Variants in HEXD observed in about 807,000 individuals in gnomAD.
HEXD encodes N-acetyl-beta-galactosaminidase.
A neutral mutation model predicts 54.2 loss-of-function variants in HEXD; 47 were observed. That is an observed-to-expected ratio of 0.87 (90% CI 0.69 to 1.11). The LOEUF (loss-of-function observed/expected upper bound fraction) is 1.11, where lower values mean the gene tolerates loss of function less well. Among genes scored for constraint, HEXD ranks in the 50% least tolerant of loss-of-function variants. The pLI, the probability that HEXD is intolerant of heterozygous loss-of-function variation, is 0.00. For missense variants in HEXD, 576 were observed against 649.2 expected, an observed-to-expected ratio of 0.89 and a Z score of 1.23; for synonymous variants, 293 against 287.6, an observed-to-expected ratio of 1.02 and a Z score of -0.19.
intron 2 of HEXD, among the ~76,000 whole-genome samples, chr17:82,422,495 TAA>T (rs11386505): frequency 2.1e-5 from 3 of 140,590 alleles, no homozygotes; most frequent in Non-Finnish European, 1.6e-5. Flanking sequence ...AGACTCAGTC[TAA>T]AAAAAAAAAA....
rs201473179 is a variant in HEXD, at chr17:82,435,807, G to A, written c.566G>A (p.Arg189His). Residue 189 changes from arginine (R) to histidine (H), a missense_variant, in exon 6 of 13, where the codon CGC becomes CAC. Arg to His is a conservative substitution (Grantham distance 29, BLOSUM62 0). Coordinates refer to ENST00000327949, the MANE Select transcript of HEXD (RefSeq NM_001330542.2). Reference protein sequence around the residue: ...RAVASGVKARRPSVTPLVWDD... With the variant: ...RAVASGVKARHPSVTPLVWDD... ...GTGGCCAGCGGCGTGAAGGCCCGGC[G>A]CCCCAGCGTGACACCCCTGGTGTGG... The A allele has an allele frequency of 3.6e-5, 58 of 1,612,608 alleles. No individual in the cohort carries two copies. Among genetic ancestry groups the A allele is most frequent in the Non-Finnish European group, 4.7e-5 (55 of 1,179,838 alleles).
intron 4 of HEXD, among the ~76,000 whole-genome samples, chr17:82,432,152 C>T (rs993265828): frequency 1.3e-5 from 2 of 152,230 alleles, no homozygotes; most frequent in South Asian, 2.1e-4. Flanking sequence ...CCCCTTGCCA[C>T]GGGGCTGTGT....
intron 3 of HEXD, 23 bp downstream of exon 3, chr17:82,424,526 C>A: frequency 6.4e-7 from 1 of 1,558,590 alleles, no homozygotes; most frequent in Non-Finnish European, 8.8e-7. Flanking sequence ...GTGGCAGGTA[C>A]AGGGGCGCGG....
chr17:82,421,063 T>C (rs7213057), intron 2 of HEXD, among the ~76,000 whole-genome samples: 43,012 of 151,226 alleles, frequency 0.28, 6,766 homozygotes, highest in East Asian at 0.69. Flanking sequence ...CCAACAGTGC[T>C]ATGACCAGAG....
At chr17:82,440,888 T>C (rs2053922606) in intron 9 of HEXD, 109 bp from the exon 10 acceptor site, 2 of 1,281,940 alleles carry the variant, frequency 1.6e-6, no homozygotes, top group East Asian at 4.6e-5. Flanking sequence ...CCAGTGGCTC[T>C]CCATTGCCGC....
In HEXD at chr17:82,432,874, T is replaced by C. The variant is rs147390785; in HGVS notation, c.283-784T>C. On this transcript the variant is annotated intron_variant, in intron 4 of 12. Transcript: ENST00000327949. ...GTCAGGAGATCGAGACCATCCTGGCTAACACGGTGAAACCCCGTCTCTACT... is the reference window on the plus strand; with the variant it reads ...GTCAGGAGATCGAGACCATCCTGGCCAACACGGTGAAACCCCGTCTCTACT... Among the ~76,000 whole-genome samples the C allele has an allele frequency of 9.6e-3, 1,411 of 146,594 alleles. 8 individuals carry two copies. The highest frequency in any genetic ancestry group is 0.027 in the Middle Eastern group (7 of 264).
At chr17:82,440,313 C>G (rs1390744738) in intron 9 of HEXD, 1 of 1,258,736 alleles carries the variant, frequency 7.9e-7, no homozygotes, top group Non-Finnish European at 1.0e-6. Context: ...GGCGCGGCGG[C>G]CCAGGGACGG....
intron 2 of HEXD, among the ~76,000 whole-genome samples, chr17:82,423,826 AAAG>A (rs1183846536): frequency 2.0e-5 from 3 of 151,062 alleles, no homozygotes; most frequent in South Asian, 2.1e-4. Context: ...AAAAAAAAAA[AAAG>A]AGAGAAAGAC....
In HEXD at chr17:82,442,519, A is replaced by C. The variant is rs1414190686; in HGVS notation, c.*135A>C. 1 of 1,593,878 alleles carries C rather than the reference A, an allele frequency of 6.3e-7. No homozygotes were observed. Among genetic ancestry groups the C allele is most frequent in the Non-Finnish European group, 8.6e-7 (1 of 1,163,800 alleles). The stretch of plus-strand genomic sequence containing the variant: ...GTGTCTTGCCCACACTCAGTTCCTG[A>C]GGGCCCTGGGCAGCCCCTGGGGGAG... On this transcript the variant is annotated 3_prime_UTR_variant, in exon 13 of 13. Coordinates refer to ENST00000327949, the MANE Select transcript of HEXD (RefSeq NM_001330542.2). This position sits in a 1 kb window ranked among gnomAD's most constrained non-coding sequence, Gnocchi z 6.8.
chr17:82,434,799 C>T lies in HEXD; in HGVS notation c.448-890C>T, dbSNP rs2053713046. Among the ~76,000 whole-genome samples the T allele has an allele frequency of 6.7e-6, 1 of 149,124 alleles. No homozygotes were observed. Among genetic ancestry groups the T allele is most frequent in the South Asian group, 2.1e-4 (1 of 4,664 alleles). On this transcript the variant is annotated intron_variant, in intron 5 of 12. Coordinates refer to ENST00000327949, the MANE Select transcript of HEXD (RefSeq NM_001330542.2). The surrounding 1 kb of genome is among the most constrained non-coding windows in gnomAD (Gnocchi z 4.5). ...GTTGCAGTGAGCTGAGATCACGCCA[C>T]TGCATACCAGCCTGGGCAACAGAGT...
chr17:82,439,717 T>C lies in HEXD; in HGVS notation c.982+4T>C. The C allele has an allele frequency of 1.3e-6, 2 of 1,599,768 alleles. No homozygotes were observed. Among genetic ancestry groups the C allele is most frequent in the Non-Finnish European group, 1.7e-6 (2 of 1,179,672 alleles). On this transcript the variant is annotated splice_donor_region_variant and intron_variant, in intron 9 of 12. Coordinates refer to ENST00000327949, the MANE Select transcript of HEXD (RefSeq NM_001330542.2). ...TGCCTGCAGTTGCTTCTACGCGGTA[T>C]GTCTGGTCTGGCCACCCCAAGCCCC...
Position 82,442,254 on chromosome 17 carries a change from A to G in HEXD, c.1331A>G (p.Glu444Gly). ...CTGGCTTTCTACCCGGATGCCGTGG[A>G]GGAGTGGCTGGAGGAAAACGTGCAC... is the stretch of plus-strand genomic sequence containing the variant. ...LQLAFYPDAV[E>G]EWLEENVHPS... is the part of the protein sequence containing the mutation. Residue 444 changes from glutamate (E) to glycine (G), a missense_variant, in exon 13 of 13, where the codon GAG becomes GGG. Transcript: ENST00000327949. The surrounding 1 kb of genome is among the most constrained non-coding windows in gnomAD (Gnocchi z 6.8). The G allele has an allele frequency of 6.2e-7, 1 of 1,606,712 alleles. No individual in the cohort carries two copies.
intron 4 of HEXD, 24 bp from the exon 5 acceptor site, chr17:82,433,634 G>A (rs764395981): frequency 1.7e-5 from 26 of 1,527,882 alleles, no homozygotes; most frequent in East Asian, 7.5e-5. Context: ...CGCCCCCAAC[G>A]CGAACTTCTC....
At chr17:82,430,423 C>T (rs1202976797) in intron 4 of HEXD, among the ~76,000 whole-genome samples, 4 of 152,218 alleles carry the variant, frequency 2.6e-5, no homozygotes, top group African/African-American at 9.7e-5. Context: ...GGGTCTCACT[C>T]TGTTTCCCAG....
chr17:82,430,887 CAA>C (rs1343464458), intron 4 of HEXD, among the ~76,000 whole-genome samples: 1 of 152,084 alleles, frequency 6.6e-6, no homozygotes, highest in Non-Finnish European at 1.5e-5. Flanking sequence ...CACCAGATCA[CAA>C]AGATTTTTCT....
Position 82,442,009 on chromosome 17 carries a change from G to C in HEXD, c.1253+120G>C. On this transcript the variant is annotated intron_variant, in intron 12 of 12. Transcript: ENST00000327949. The surrounding 1 kb of genome is among the most constrained non-coding windows in gnomAD (Gnocchi z 6.8). ...AGCCCCTAGTTGTAAAAGGCCCTCT[G>C]GTCTCAGATGTGCAGCTGTCACCGA... is the stretch of plus-strand genomic sequence containing the variant. The C allele has an allele frequency of 7.7e-7, 1 of 1,296,190 alleles. No homozygotes were observed. Among genetic ancestry groups the C allele is most frequent in the South Asian group, 1.2e-5 (1 of 82,454 alleles). 80.3% of individuals were successfully genotyped at this position (1,296,190 alleles called of 1,614,324 possible).
In HEXD at chr17:82,442,325, G is replaced by A; in HGVS notation, c.1402G>A (p.Val468Met). 1 of 1,610,728 alleles carries A rather than the reference G, an allele frequency of 6.2e-7. No individual in the cohort carries two copies. The highest frequency in any genetic ancestry group is 8.5e-7 in the Non-Finnish European group (1 of 1,179,782). Residue 468 changes from valine (V) to methionine (M), a missense_variant, in exon 13 of 13, where the codon GTG (valine) becomes ATG (methionine). Transcript: ENST00000327949. The surrounding 1 kb of genome is among the most constrained non-coding windows in gnomAD (Gnocchi z 6.8). ...LQALLQDLSE[V>M]SAPPLPPTSP... ...AGCTCTGCTGCAGGACCTCAGCGAG[G>A]TGTCTGCCCCCCCGCTGCCACCCAC...
chr17:82,425,471 G>A (rs2053386535), intron 3 of HEXD: 1 of 154,714 alleles, frequency 6.5e-6, no homozygotes, highest in Non-Finnish European at 1.4e-5. Flanking sequence ...GGCCACAGTT[G>A]AGCCTTGAGT....
chr17:82,420,098 CAGAGAACAAA>C (rs1038543916), intron 2 of HEXD: 3 of 370,710 alleles, frequency 8.1e-6, no homozygotes, highest in African/African-American at 6.4e-5. Context: ...AAAAAAAAGA[CAGAGAACAAA>C]AGAAACTCAC....
Sources: gnomAD v4.1 joint callset for allele counts (sites outside exome capture counted in the v4.1 genomes callset) on GRCh38, gnomAD v4.1.1 for gene constraint, Gnocchi (gnomAD v3.1) non-coding constraint, MANE v1.5 for transcripts, NCBI Gene and HGNC (gene_info 2026-07-23, HGNC 2026-07-21) for gene names.